Variants in LRRD1 observed in about 807,000 individuals in gnomAD.
LRRD1 encodes leucine-rich repeat and death domain-containing protein 1.
A neutral mutation model predicts 69.5 loss-of-function variants in LRRD1; 49 were observed. The observed-to-expected ratio is 0.70, with a 90% CI of 0.56 to 0.89. The LOEUF (loss-of-function observed/expected upper bound fraction) is 0.89. Among genes scored for constraint, LRRD1 ranks in the 40% least tolerant of loss-of-function variants. LRRD1 has a pLI of 0.00. For synonymous variants in LRRD1, 303 were observed against 338.9 expected, an observed-to-expected ratio of 0.89 and a Z score of 1.16; for missense variants, 853 against 956.0, an observed-to-expected ratio of 0.89 and a Z score of 1.42.
At chr7:92,148,087 C>T (rs938848541) in intron 4 of LRRD1, among the ~76,000 whole-genome samples, 12 of 152,020 alleles carry the variant, frequency 7.9e-5, no homozygotes, top group East Asian at 1.9e-4. Context: ...ACTACAGGCA[C>T]GTGCCACCAT....
At chr7:92,149,435 T>C (rs1344628994) in intron 4 of LRRD1, among the ~76,000 whole-genome samples, 2 of 151,980 alleles carry the variant, frequency 1.3e-5, no homozygotes, top group African/African-American at 2.4e-5. Context: ...CAAATCAGAG[T>C]CCTAGGGAAA....
Position 92,150,489 on chromosome 7 carries a change from T to A in LRRD1, c.2278+45A>T, listed in dbSNP as rs1563188979. 5 of 1,423,802 alleles carry A rather than the reference T, an allele frequency of 3.5e-6. No individual in the cohort carries two copies. In the Admixed American group the frequency reaches 1.1e-4, roughly 31 times the overall value. 88.2% of individuals were successfully genotyped at this position (1,423,802 alleles called of 1,614,324 possible). ...CCAAAAATATTAAAATAAAATAAAA[T>A]AAAAAAGAAATGACTTGTTAGATAG... is the stretch of plus-strand genomic sequence containing the variant. On this transcript the variant is annotated intron_variant, in intron 4 of 5. Coordinates refer to ENST00000458448, the MANE Select transcript of LRRD1 (RefSeq NM_001161528.2).
At chr7:92,171,489 C>T (rs886770593) in intron 1 of LRRD1, among the ~76,000 whole-genome samples, 1 of 152,152 alleles carries the variant, frequency 6.6e-6, no homozygotes, top group African/African-American at 2.4e-5. Context: ...AAATAGAACA[C>T]TTCAACAAAC....
intron 1 of LRRD1, among the ~76,000 whole-genome samples, chr7:92,170,823 A>G (rs1789042176): frequency 6.6e-6 from 1 of 152,192 alleles, no homozygotes; most frequent in African/African-American, 2.4e-5. Flanking sequence ...AACAAATTCA[A>G]AAAAATTGGC....
intron 4 of LRRD1, among the ~76,000 whole-genome samples, chr7:92,146,835 T>C (rs1325720956): frequency 1.3e-5 from 2 of 149,638 alleles, no homozygotes; most frequent in African/African-American, 2.5e-5. Flanking sequence ...GGTAGGAGAA[T>C]CGCTTGAATC....
At position 92,159,081 on chromosome 7, in the gene LRRD1, A is replaced by G; in HGVS notation, c.2040T>C (p.His680=). 1.3e-6 allele frequency: 2 copies of G among 1,548,112 alleles called. No homozygotes were observed. The highest frequency in any genetic ancestry group is 1.2e-5 in the South Asian group (1 of 83,020). ...IGELRNLVSL[H]AYNNQISYLP... ...GATAACTTATTTGATTATTGTATGCATGTAAACTAACCAAATTTCTCAATT... is the reference window on the plus strand; with the variant it reads ...GATAACTTATTTGATTATTGTATGCGTGTAAACTAACCAAATTTCTCAATT... The change falls in exon 3 of 6, where the codon CAT becomes CAC. Residue 680 remains histidine (H), a synonymous_variant. Transcript: ENST00000458448.
intron 1 of LRRD1, among the ~76,000 whole-genome samples, chr7:92,166,591 A>T (rs1563193532): frequency 6.6e-6 from 1 of 152,258 alleles, no homozygotes; most frequent in Non-Finnish European, 1.5e-5. Flanking sequence ...ATACTACTTC[A>T]TGAGTCAGTT....
chr7:92,171,234 A>C (rs1464860811), intron 1 of LRRD1, among the ~76,000 whole-genome samples: 1 of 152,096 alleles, frequency 6.6e-6, no homozygotes, highest in African/African-American at 2.4e-5. Flanking sequence ...GAATACAGAA[A>C]ACAATAATGG....
intron 4 of LRRD1, among the ~76,000 whole-genome samples, chr7:92,147,793 A>G (rs1054049921): frequency 2.0e-5 from 3 of 152,116 alleles, no homozygotes; most frequent in Non-Finnish European, 4.4e-5. Context: ...GTGCAGTAGC[A>G]TAATCACAGG....
chr7:92,150,887 C>T (rs1216911460), intron 3 of LRRD1, among the ~76,000 whole-genome samples, 192 bp from the exon 4 acceptor site: 1 of 152,164 alleles, frequency 6.6e-6, no homozygotes, highest in African/African-American at 2.4e-5. Flanking sequence ...TGGTTCCTTT[C>T]TCTCCTAGGG....
chr7:92,146,783 G>A (rs1332145840), intron 4 of LRRD1, among the ~76,000 whole-genome samples: 9 of 146,938 alleles, frequency 6.1e-5, no homozygotes, highest in Non-Finnish European at 1.2e-4. Flanking sequence ...TTAGCCGGGC[G>A]TGGTCGCACA....
intron 3 of LRRD1, among the ~76,000 whole-genome samples, chr7:92,152,676 T>A: frequency 6.8e-6 from 1 of 146,666 alleles, no homozygotes; most frequent in East Asian, 2.0e-4. Context: ...TAACTATTCT[T>A]TTTTTTTTTT....
At chr7:92,156,057 C>T (rs1480470356) in intron 3 of LRRD1, among the ~76,000 whole-genome samples, 1 of 152,208 alleles carries the variant, frequency 6.6e-6, no homozygotes, top group Non-Finnish European at 1.5e-5. Flanking sequence ...CCCTCACAGA[C>T]ACATGCAGGA....
intron 2 of LRRD1, among the ~76,000 whole-genome samples, chr7:92,160,003 G>A (rs1171232376): frequency 6.6e-6 from 1 of 152,104 alleles, no homozygotes; most frequent in African/African-American, 2.4e-5. Context: ...CTTTTTGTAT[G>A]TGTTTCCAAG....
At chr7:92,151,272 T>C (rs551575977) in intron 3 of LRRD1, among the ~76,000 whole-genome samples, 55 of 152,350 alleles carry the variant, frequency 3.6e-4, no homozygotes, top group Admixed American at 4.6e-4. Context: ...TCTTTCCTTG[T>C]TTTTCATGAC....
At position 92,146,141 on chromosome 7, in the gene LRRD1, C is replaced by T; in HGVS notation, c.2338G>A (p.Glu780Lys). Residue 780 changes from glutamate to lysine, a missense_variant, in exon 5 of 6, where the codon GAA becomes AAA. Glu to Lys is a moderately conservative substitution (Grantham distance 56). Transcript: ENST00000458448. ...VANNITETNF[E>K]FLCQKLNLAN... is the part of the protein sequence containing the mutation. ...AGGTTTAGTTTTTGACATAAAAATT[C>T]AAAATTGGTTTCAGTGATGTTGTTG... The T allele has an allele frequency of 2.6e-6, 4 of 1,542,998 alleles. No homozygotes were observed. The highest frequency in any genetic ancestry group is 3.5e-6 in the Non-Finnish European group (4 of 1,143,996).
chr7:92,158,998 C>T lies in LRRD1; in HGVS notation c.2116+7G>A. 3.3e-6 allele frequency: 5 copies of T among 1,532,868 alleles called. No individual in the cohort carries two copies. Among genetic ancestry groups the T allele is most frequent in the Non-Finnish European group, 4.4e-6 (5 of 1,141,002 alleles). 95.0% of individuals were successfully genotyped at this position (1,532,868 alleles called of 1,614,324 possible). A position where few individuals can be genotyped will look rare whatever the true frequency, so the allele number is the denominator to read the frequency against. ...GATTATGCTTACTGATTATGCTTGA[C>T]ACTCACCACTCAGGTTTAGTTGCTG... On this transcript the variant is annotated splice_region_variant and intron_variant, in intron 3 of 5. Transcript: ENST00000458448.
chr7:92,152,674 CTTT>C (rs375384141), intron 3 of LRRD1, among the ~76,000 whole-genome samples: 5 of 139,866 alleles, frequency 3.6e-5, no homozygotes, highest in Admixed American at 7.2e-5. Context: ...TTTAACTATT[CTTT>C]TTTTTTTTTT....
intron 2 of LRRD1, among the ~76,000 whole-genome samples, chr7:92,161,401 C>T (rs1309400004): frequency 1.3e-5 from 2 of 152,248 alleles, no homozygotes; most frequent in Non-Finnish European, 2.9e-5. Context: ...TTGCCTTGGG[C>T]AGCCATTCAC....
Sources: gnomAD v4.1 joint callset for allele counts (sites outside exome capture counted in the v4.1 genomes callset) on GRCh38, gnomAD v4.1.1 for gene constraint, MANE v1.5 for transcripts, NCBI Gene and HGNC (gene_info 2026-07-23, HGNC 2026-07-21) for gene names.